Variants in B3GALT1 observed in about 807,000 individuals in gnomAD.
The protein encoded by B3GALT1 is beta-1,3-galactosyltransferase 1.
A neutral mutation model predicts 23.2 loss-of-function variants in B3GALT1; 10 were observed. The observed-to-expected ratio is 0.43, with a 90% confidence interval of 0.27 to 0.73. B3GALT1 has a LOEUF of 0.73. Among genes scored for constraint, B3GALT1 ranks in the 30% least tolerant of loss-of-function variants. The pLI, the probability that B3GALT1 is intolerant of heterozygous loss-of-function variation, is 0.21. For missense variants in B3GALT1, 299 were observed against 405.4 expected, an observed-to-expected ratio of 0.74 and a Z score of 2.25; for synonymous variants, 156 against 141.5, an observed-to-expected ratio of 1.10 and a Z score of -0.73.
chr2:167,371,311 T>G (rs771857917), intron 1 of B3GALT1, among the ~76,000 whole-genome samples: 1 of 152,178 alleles, frequency 6.6e-6, no homozygotes, highest in Non-Finnish European at 1.5e-5. Flanking sequence ...AGTCACATCT[T>G]TAATTTCTTT....
intron 1 of B3GALT1, among the ~76,000 whole-genome samples, chr2:167,301,849 A>G (rs987499714): frequency 4.6e-5 from 7 of 152,294 alleles, no homozygotes; most frequent in Admixed American, 3.9e-4. Context: ...GTGCCCAGCC[A>G]AGACCATAGT....
At chr2:167,568,649 C>T (rs1437968143) in intron 2 of B3GALT1, among the ~76,000 whole-genome samples, 1 of 151,978 alleles carries the variant, frequency 6.6e-6, no homozygotes, top group Non-Finnish European at 1.5e-5. Flanking sequence ...GATGCATCTT[C>T]TGCAAATATT....
chr2:167,425,328 T>C (rs1698607026), intron 1 of B3GALT1, among the ~76,000 whole-genome samples: 1 of 152,198 alleles, frequency 6.6e-6, no homozygotes, highest in Non-Finnish European at 1.5e-5. Context: ...CTCATACTTT[T>C]GTCATATTTG....
Position 167,870,640 on chromosome 2 carries a change from G to T in B3GALT1, c.*620G>T, listed in dbSNP as rs958361177. The T allele has an allele frequency of 6.0e-6, 1 of 167,020 alleles. No individual in the cohort carries two copies. The highest frequency in any genetic ancestry group is 2.4e-5 in the African/African-American group (1 of 41,434). The allele number at this position is 167,020 out of a possible 1,614,324, so 10.3% of individuals were successfully genotyped here. The stretch of plus-strand genomic sequence containing the variant: ...AGACAACTCTGCTTGCTCATCCAAG[G>T]ATTAAATCTGGTCAGCAGGTGGAAT... On this transcript the variant is annotated 3_prime_UTR_variant, in exon 5 of 5. Transcript: ENST00000392690.
rs560847480 is a variant in B3GALT1, at chr2:167,807,362, A to G, written c.-351-11310A>G. 2.0e-3 allele frequency among the ~76,000 whole-genome samples: 299 copies of G among 152,050 alleles called. 1 individual carries two copies. Among genetic ancestry groups the G allele is most frequent in the African/African-American group, 5.5e-3 (227 of 41,486 alleles). On this transcript the variant is annotated intron_variant, in intron 3 of 4. Coordinates refer to ENST00000392690, the MANE Select transcript of B3GALT1 (RefSeq NM_020981.4). ...TATTTCTTGCCTTCTGCTAGCTTTT[A>G]AATGTGTTTGCTCTTGCTTCTCTAG...
intron 1 of B3GALT1, among the ~76,000 whole-genome samples, chr2:167,431,802 A>C (rs1698708974): frequency 6.6e-6 from 1 of 152,208 alleles, no homozygotes; most frequent in Non-Finnish European, 1.5e-5. Flanking sequence ...TAGGAAAAGA[A>C]GATAGCTTGG....
intron 2 of B3GALT1, among the ~76,000 whole-genome samples, chr2:167,608,868 T>C (rs189728347): frequency 2.7e-4 from 41 of 152,254 alleles, no homozygotes; most frequent in African/African-American, 9.4e-4. Flanking sequence ...CAAAAAGCCA[T>C]ATTTTTTGGT....
At chr2:167,665,330 A>T (rs1233481319) in intron 3 of B3GALT1, among the ~76,000 whole-genome samples, 1 of 122,796 alleles carries the variant, frequency 8.1e-6, no homozygotes, top group African/African-American at 3.3e-5. Flanking sequence ...ATCATGGTGG[A>T]TAAGCTTTTT....
intron 2 of B3GALT1, among the ~76,000 whole-genome samples, chr2:167,582,422 G>A (rs1430575626): frequency 6.6e-6 from 1 of 152,096 alleles, no homozygotes; most frequent in Non-Finnish European, 1.5e-5. Context: ...ACTCAGATAT[G>A]CCAAGAAAAT....
At chr2:167,500,007 A>G (rs935901956) in intron 2 of B3GALT1, among the ~76,000 whole-genome samples, 5 of 152,040 alleles carry the variant, frequency 3.3e-5, no homozygotes, top group Non-Finnish European at 7.4e-5. Flanking sequence ...GTGTTTGTGC[A>G]TGCGAGAGAG....
At chr2:167,371,186 G>A (rs1233115386) in intron 1 of B3GALT1, among the ~76,000 whole-genome samples, 1 of 150,230 alleles carries the variant, frequency 6.7e-6, no homozygotes, top group Non-Finnish European at 1.5e-5. Context: ...ATGAGGGCAG[G>A]TGATTTTTTT....
At chr2:167,528,989 C>T (rs555113782) in intron 2 of B3GALT1, among the ~76,000 whole-genome samples, 12 of 152,112 alleles carry the variant, frequency 7.9e-5, no homozygotes, top group Admixed American at 7.9e-4. Flanking sequence ...GTATTGATCC[C>T]GTTTCAATAG....
At position 167,630,557 on chromosome 2, in the gene B3GALT1, T is replaced by C. The variant is rs549360860; in HGVS notation, c.-409-16352T>C. On this transcript the variant is annotated intron_variant, in intron 2 of 4. Transcript: ENST00000392690. ...TGGCTGTACAAGATGATATTCTTGG[T>C]TTTAAGCAGTAAGTGCTGAAGGATT... is the stretch of plus-strand genomic sequence containing the variant. Among the ~76,000 whole-genome samples, 68 of 151,844 alleles carry C rather than the reference T, an allele frequency of 4.5e-4. No homozygotes were observed. The South Asian group carries it at 9.8e-3, about 22-fold the overall frequency.
intron 3 of B3GALT1, among the ~76,000 whole-genome samples, chr2:167,733,605 C>T (rs146135723): frequency 6.6e-6 from 1 of 152,148 alleles, no homozygotes; most frequent in African/African-American, 2.4e-5. Flanking sequence ...CTCAACAATC[C>T]TGTAAAACAC....
chr2:167,410,653 G>C (rs2105295223), intron 1 of B3GALT1, among the ~76,000 whole-genome samples: 1 of 152,172 alleles, frequency 6.6e-6, no homozygotes, highest in East Asian at 1.9e-4. Context: ...AAACCTAGAT[G>C]ATGGGTTGAT....
intron 1 of B3GALT1, among the ~76,000 whole-genome samples, chr2:167,313,969 G>T (rs1274919477): frequency 6.6e-6 from 1 of 152,098 alleles, no homozygotes; most frequent in Admixed American, 6.6e-5. Flanking sequence ...AGTAACGCAG[G>T]TTTGTCAGTA....
intron 2 of B3GALT1, among the ~76,000 whole-genome samples, chr2:167,588,311 A>G (rs1684614667): frequency 6.6e-6 from 1 of 152,212 alleles, no homozygotes; most frequent in South Asian, 2.1e-4. Context: ...TTCATCAACA[A>G]ATTAAGCTGT....
intron 3 of B3GALT1, among the ~76,000 whole-genome samples, chr2:167,668,394 C>G (rs906111677): frequency 3.3e-5 from 5 of 152,158 alleles, no homozygotes; most frequent in Non-Finnish European, 7.4e-5. Flanking sequence ...GAGGTTACTG[C>G]TATCTTTTGT....
chr2:167,574,617 CTCA>C (rs766144013), intron 2 of B3GALT1, among the ~76,000 whole-genome samples: 16 of 151,532 alleles, frequency 1.1e-4, no homozygotes, highest in Non-Finnish European at 2.4e-4. Flanking sequence ...CTCAAATTTT[CTCA>C]TCATTTTCTG....
Sources: gnomAD v4.1 joint callset for allele counts (sites outside exome capture counted in the v4.1 genomes callset) on GRCh38, gnomAD v4.1.1 for gene constraint, MANE v1.5 for transcripts, NCBI Gene and HGNC (gene_info 2026-07-23, HGNC 2026-07-21) for gene names.